Variants in ZNF732 observed in about 807,000 individuals in gnomAD.
ZNF732 encodes zinc finger protein LOC654254.
A neutral mutation model predicts 11.5 loss-of-function variants in ZNF732; 12 were observed. The ratio of observed to expected loss-of-function variants is 1.05; its 90% CI spans 0.67 to 1.70. ZNF732 has a LOEUF of 1.70. Ranked by LOEUF, ZNF732 falls within the 40% of genes most tolerant of loss-of-function variation. The pLI is 0.00. For synonymous variants in ZNF732, 231 were observed against 236.5 expected, an observed-to-expected ratio of 0.98 and a Z score of 0.21; for missense variants, 702 against 676.9, an observed-to-expected ratio of 1.04 and a Z score of -0.41.
At chr4:299,630 G>GTATATATTTA (rs1226659940) in intron 1 of ZNF732, among the ~76,000 whole-genome samples, 5 of 130,168 alleles carry the variant, frequency 3.8e-5, no homozygotes, top group African/African-American at 1.4e-4. Flanking sequence ...TAATATATTT[G>GTATATATTTA]TATATATTTA....
chr4:305,422 G>T lies in ZNF732; in HGVS notation c.-112C>A. The T allele has an allele frequency of 1.3e-6, 2 of 1,493,612 alleles. No homozygotes were observed. Among genetic ancestry groups the T allele is most frequent in the South Asian group, 1.1e-5 (1 of 87,070 alleles). The allele number at this position is 1,493,612 out of a possible 1,614,324, so 92.5% of individuals were successfully genotyped here. A position where few individuals can be genotyped will look rare whatever the true frequency, so the allele number is the denominator to read the frequency against. ...CCGAATCACCGACGCCTCCCTGAGG[G>T]GTGAAAGCACGGCCGTGGAGACCCT... On this transcript the variant is annotated 5_prime_UTR_variant, in exon 1 of 4. Coordinates refer to ENST00000419098, the MANE Select transcript of ZNF732 (RefSeq NM_001137608.3).
intron 3 of ZNF732, among the ~76,000 whole-genome samples, chr4:283,344 T>TA (rs1358366023): frequency 2.0e-5 from 3 of 152,250 alleles, no homozygotes; most frequent in South Asian, 4.2e-4. Context: ...TGAATAGATT[T>TA]AAAAAATCAA....
chr4:289,297 C>T (rs988704285), intron 3 of ZNF732, among the ~76,000 whole-genome samples: 1 of 152,266 alleles, frequency 6.6e-6, no homozygotes, highest in Non-Finnish European at 1.5e-5. Flanking sequence ...TGTGTGCGCT[C>T]GCGCACATGC....
intron 3 of ZNF732, among the ~76,000 whole-genome samples, chr4:284,598 T>G (rs1365758493): frequency 6.6e-6 from 1 of 151,226 alleles, no homozygotes; most frequent in Non-Finnish European, 1.5e-5. Context: ...AAATACTGGG[T>G]GCAGTGGCTC....
intron 3 of ZNF732, among the ~76,000 whole-genome samples, chr4:284,636 G>A (rs1473569014): frequency 1.3e-5 from 2 of 151,906 alleles, no homozygotes; most frequent in Non-Finnish European, 2.9e-5. Flanking sequence ...TCTTTGGGAG[G>A]CTGAGGCGGG....
intron 3 of ZNF732, among the ~76,000 whole-genome samples, chr4:287,521 C>A (rs1719756518): frequency 6.6e-6 from 1 of 152,052 alleles, no homozygotes. Context: ...GGCCAACACA[C>A]TCTTGAACAT....
At chr4:298,025 TTC>T (rs1344028413) in intron 1 of ZNF732, among the ~76,000 whole-genome samples, 61 of 152,340 alleles carry the variant, frequency 4.0e-4, no homozygotes, top group African/African-American at 1.4e-3. Flanking sequence ...TTTTAGCCAC[TTC>T]TCTGTGTCTT....
intron 1 of ZNF732, among the ~76,000 whole-genome samples, chr4:303,979 T>C (rs1371942679): frequency 6.6e-6 from 1 of 152,180 alleles, no homozygotes; most frequent in Non-Finnish European, 1.5e-5. Context: ...CTGATTCATG[T>C]GTCCATAAAG....
intron 3 of ZNF732, among the ~76,000 whole-genome samples, chr4:286,974 A>C (rs1363990578): frequency 1.3e-5 from 2 of 152,044 alleles, no homozygotes; most frequent in Non-Finnish European, 2.9e-5. Flanking sequence ...AACATGGTGA[A>C]ACCCCGTCTC....
rs980226947 is a variant in ZNF732 at position 271,597 on chromosome 4, A to G, written c.1260T>C (p.Cys420=). The G allele has an allele frequency of 6.2e-7, 1 of 1,613,184 alleles. No homozygotes were observed. The highest frequency in any genetic ancestry group is 1.1e-5 in the South Asian group (1 of 90,970). ...ATCCAAAGGCTTTGCCACACTCTTC[A>G]CATTTGTGGGGCCTCTCTCCAGTAT... The part of the protein sequence containing the change: ...RIHTGERPHK[C]EECGKAFGWS... The change falls in exon 4 of 4, where the codon TGT becomes TGC. Residue 420 remains cysteine (C), a synonymous_variant. Transcript: ENST00000419098.
intron 1 of ZNF732, among the ~76,000 whole-genome samples, chr4:299,716 G>C (rs188775542): frequency 3.0e-5 from 4 of 132,356 alleles, no homozygotes; most frequent in Non-Finnish European, 6.3e-5. Context: ...TTTTTAAAGA[G>C]ATGGAGTTTC....
intron 1 of ZNF732, among the ~76,000 whole-genome samples, chr4:304,768 G>T (rs1720193846): frequency 6.6e-6 from 1 of 152,226 alleles, no homozygotes; most frequent in Admixed American, 6.5e-5. Context: ...CGGAGGAGGC[G>T]CACAGGGCAA....
At position 272,122 on chromosome 4, in the gene ZNF732, A is replaced by C. The variant is rs1396780341; in HGVS notation, c.735T>G (p.Thr245=). 1.2e-6 allele frequency: 2 copies of C among 1,612,984 alleles called. No individual in the cohort carries two copies. The highest frequency in any genetic ancestry group is 8.5e-7 in the Non-Finnish European group (1 of 1,179,404). The change falls in exon 4 of 4, where the codon ACT becomes ACG. Residue 245 remains threonine (T), a synonymous_variant. Coordinates refer to ENST00000419098, the MANE Select transcript of ZNF732 (RefSeq NM_001137608.3). ...CTTCATATTTGTAAGATTTCTCTCC[A>C]GTATGAACTTTATGTTTAGCAAAGT... is the stretch of plus-strand genomic sequence containing the variant. The part of the protein sequence containing the change: ...SSNFAKHKVH[T]GEKSYKYEEC...
chr4:296,014 T>C lies in ZNF732; in HGVS notation c.130+15A>G. ...TGAGGGAGTATTAGGAATTATTTAC[T>C]GAAGTTATCCTCACCCAGGGAGATC... On this transcript the variant is annotated intron_variant, in intron 2 of 3. Coordinates refer to ENST00000419098, the MANE Select transcript of ZNF732 (RefSeq NM_001137608.3). 1.2e-6 allele frequency: 2 copies of C among 1,606,740 alleles called. No homozygotes were observed. Among genetic ancestry groups the C allele is most frequent in the Non-Finnish European group, 1.7e-6 (2 of 1,178,380 alleles).
chr4:305,316 C>G lies in ZNF732; in HGVS notation c.-6G>C, dbSNP rs782661515. ...CCTGCCCCCACACTCACCATTTCCCCACTTCAGGGGTGTAGCGGAGTCTCA... is the reference window on the plus strand; with the variant it reads ...CCTGCCCCCACACTCACCATTTCCCGACTTCAGGGGTGTAGCGGAGTCTCA... On this transcript the variant is annotated 5_prime_UTR_variant, in exon 1 of 4. Coordinates refer to ENST00000419098, the MANE Select transcript of ZNF732 (RefSeq NM_001137608.3). The G allele has an allele frequency of 2.1e-5, 34 of 1,607,834 alleles. No individual in the cohort carries two copies. The highest frequency in any genetic ancestry group is 2.7e-5 in the Non-Finnish European group (32 of 1,179,820).
At chr4:278,177 GAGGA>G (rs1553839056) in intron 3 of ZNF732, among the ~76,000 whole-genome samples, 2 of 152,240 alleles carry the variant, frequency 1.3e-5, no homozygotes, top group African/African-American at 4.8e-5. Flanking sequence ...AAACATTTAT[GAGGA>G]AGGCTTTATG....
intron 3 of ZNF732, among the ~76,000 whole-genome samples, chr4:276,014 A>G (rs1317168131): frequency 4.0e-5 from 6 of 151,816 alleles, no homozygotes; most frequent in South Asian, 4.1e-4. Flanking sequence ...TTAAAAATAT[A>G]TAAGATTTTA....
rs782358525 is a variant in ZNF732 at position 271,851 on chromosome 4, A to G, written c.1006T>C (p.Cys336Arg). The G allele has an allele frequency of 1.2e-6, 2 of 1,613,664 alleles. No homozygotes were observed. Among genetic ancestry groups the G allele is most frequent in the Non-Finnish European group, 1.7e-6 (2 of 1,179,840 alleles). Residue 336 changes from cysteine to arginine, a missense_variant, in exon 4 of 4, where the codon TGT becomes CGT. This residue lies in a region of ZNF732 where 596 missense variants were observed against 557.9 expected (regional missense o/e 1.07). Coordinates refer to ENST00000419098, the MANE Select transcript of ZNF732 (RefSeq NM_001137608.3). ...RIHTGEKPYT[C>R]EECGKAFSRS... is the part of the protein sequence containing the mutation. ...CTAAAGGCTTTGCCACATTCTTCAC[A>G]TGTGTAGGGTTTCTCTCCAGTATGA...
chr4:287,595 T>A (rs569223553), intron 3 of ZNF732, among the ~76,000 whole-genome samples: 2 of 152,156 alleles, frequency 1.3e-5, no homozygotes, highest in Non-Finnish European at 2.9e-5. Flanking sequence ...GATATTCAAA[T>A]TCAATGTAAT....
Sources: allele counts gnomAD v4.1 joint callset (sites outside exome capture counted in the v4.1 genomes callset), GRCh38; gene constraint gnomAD v4.1.1; regional missense constraint gnomAD v4.1.1; transcripts MANE v1.5; gene names NCBI Gene and HGNC (gene_info 2026-07-23, HGNC 2026-07-21).